The following FTO variants were observed in gnomAD, a reference collection of about 807,000 sequenced individuals.
FTO encodes the protein FTO alpha-ketoglutarate dependent dioxygenase, also known as alpha-ketoglutarate-dependent dioxygenase FTO.
Under a neutral mutation model 63.9 loss-of-function variants are expected in FTO, and 47 were observed. The ratio of observed to expected loss-of-function variants is 0.74; its 90% confidence interval spans 0.58 to 0.94. The LOEUF (loss-of-function observed/expected upper bound fraction) is 0.94. FTO is among the 40% of genes least tolerant of loss of function. The probability of loss-of-function intolerance (pLI) is 0.00; values close to 1 mark genes in which losing one functional copy is unlikely to be tolerated. For synonymous variants in FTO, 207 were observed against 224.4 expected (o/e 0.92, Z 0.69); for missense variants, 562 against 618.1 (o/e 0.91, Z 0.96).
chr16:53,928,557 C>T (rs1457541180), intron 7 of FTO, among the ~76,000 whole-genome samples: 2 of 151,958 alleles, frequency 1.3e-5, no homozygotes, highest in Non-Finnish European at 2.9e-5. Flanking sequence ...TTCTTTTCAC[C>T]CTAAATTTTA....
chr16:53,792,986 A>T (rs778923942), intron 1 of FTO, among the ~76,000 whole-genome samples: 2 of 152,290 alleles, frequency 1.3e-5, no homozygotes, highest in Non-Finnish European at 2.9e-5. Flanking sequence ...GATTGTGAGG[A>T]AGAATCTTGG....
rs573172455 is a variant in FTO, at chr16:53,811,121, G to A, written c.123+904G>A. ...AGTTCATGCACCTACTCTTGGAGTG[G>A]GGTTGGAGTGAGAGTACTCCCACCA... is the stretch of plus-strand genomic sequence containing the variant. On this transcript the variant is annotated intron_variant, in intron 2 of 8. Transcript: ENST00000471389. Among the ~76,000 whole-genome samples, 4 of 152,248 alleles carry A rather than the reference G, an allele frequency of 2.6e-5. No homozygotes were observed. The South Asian group carries it at 6.2e-4, about 24-fold the overall frequency.
intron 5 of FTO, among the ~76,000 whole-genome samples, chr16:53,876,889 T>TGA (rs1331125871): frequency 1.3e-5 from 2 of 152,328 alleles, no homozygotes; most frequent in South Asian, 4.1e-4. Context: ...ATTGCACCAC[T>TGA]GCACTCCAGC....
intron 8 of FTO, among the ~76,000 whole-genome samples, chr16:54,014,507 C>G (rs2084392068): frequency 6.6e-6 from 1 of 152,016 alleles, no homozygotes; most frequent in Admixed American, 6.6e-5. Flanking sequence ...ATGCTGGTGT[C>G]CTGTTTCTTG....
chr16:53,786,972 G>A lies in FTO; in HGVS notation c.46-23168G>A, dbSNP rs2151673985. ...TAAAAATACAAAAAATTAGCCAGGT[G>A]TGGTGGCGGGTGCCTGTAGTCCCAG... On this transcript the variant is annotated intron_variant, in intron 1 of 8. Transcript: ENST00000471389. Among the ~76,000 whole-genome samples the A allele has an allele frequency of 1.3e-5, 2 of 151,786 alleles. 1 individual carries two copies. The highest frequency in any genetic ancestry group is 4.2e-4 in the South Asian group (2 of 4,788).
intron 8 of FTO, among the ~76,000 whole-genome samples, chr16:54,101,772 C>T (rs1206399630): frequency 6.6e-6 from 1 of 152,202 alleles, no homozygotes; most frequent in Non-Finnish European, 1.5e-5. Flanking sequence ...CTAAATGACA[C>T]TGCCACCAAC....
At chr16:53,757,526 T>G (rs1281696836) in intron 1 of FTO, among the ~76,000 whole-genome samples, 1 of 151,372 alleles carries the variant, frequency 6.6e-6, no homozygotes, top group Admixed American at 6.6e-5. Flanking sequence ...ATACCTATAT[T>G]TATATATAAT....
At chr16:53,760,313 T>C (rs908604225) in intron 1 of FTO, among the ~76,000 whole-genome samples, 1 of 150,196 alleles carries the variant, frequency 6.7e-6, no homozygotes, top group Non-Finnish European at 1.5e-5. Context: ...AGTGGTGCGA[T>C]CTTGGGTCAC....
intron 8 of FTO, among the ~76,000 whole-genome samples, chr16:53,935,314 C>T (rs2082364087): frequency 6.6e-6 from 1 of 152,102 alleles, no homozygotes; most frequent in Non-Finnish European, 1.5e-5. Flanking sequence ...GATAGCTTTA[C>T]TAGTAATAAT....
intron 8 of FTO, among the ~76,000 whole-genome samples, chr16:54,032,051 C>A (rs1050303832): frequency 8.5e-5 from 13 of 152,142 alleles, no homozygotes; most frequent in African/African-American, 3.1e-4. Flanking sequence ...TTCTGGGAAG[C>A]CTTCAAAGGT....
At chr16:53,763,066 A>G (rs2077107982) in intron 1 of FTO, among the ~76,000 whole-genome samples, 1 of 152,226 alleles carries the variant, frequency 6.6e-6, no homozygotes. Context: ...GATTTCTTTA[A>G]TAATGATCCA....
intron 1 of FTO, among the ~76,000 whole-genome samples, chr16:53,708,395 T>A (rs1031763774): frequency 5.9e-5 from 9 of 152,088 alleles, no homozygotes; most frequent in African/African-American, 2.2e-4. Flanking sequence ...AGTGTCAGGA[T>A]ATACCATATT....
intron 8 of FTO, chr16:53,993,318 G>GCCAT (rs2083857213): frequency 6.6e-6 from 1 of 152,060 alleles, no homozygotes; most frequent in African/African-American, 2.4e-5. Context: ...AAAATAAGTG[G>GCCAT]CCATACTTTT....
chr16:54,005,033 G>C (rs1358698718), intron 8 of FTO, among the ~76,000 whole-genome samples: 1 of 146,676 alleles, frequency 6.8e-6, no homozygotes, highest in African/African-American at 2.5e-5. Flanking sequence ...TCGCGCCACG[G>C]CACTCCAGCC....
intron 4 of FTO, among the ~76,000 whole-genome samples, chr16:53,859,641 A>G (rs142880059): frequency 1.1e-3 from 169 of 152,044 alleles, no homozygotes; most frequent in African/African-American, 3.8e-3. Flanking sequence ...TTGAATAGAC[A>G]TTTCTGAAAA....
At chr16:54,010,658 G>C (rs561446012) in intron 8 of FTO, among the ~76,000 whole-genome samples, 1 of 152,044 alleles carries the variant, frequency 6.6e-6, no homozygotes, top group Non-Finnish European at 1.5e-5. Context: ...TCATGTAGGC[G>C]AGCAATTTAG....
At chr16:53,968,103 A>G (rs192547374) in intron 8 of FTO, among the ~76,000 whole-genome samples, 168 of 152,346 alleles carry the variant, frequency 1.1e-3, no homozygotes, top group African/African-American at 3.8e-3. Flanking sequence ...TATCAGTGAT[A>G]TACATATATA....
chr16:53,920,543 T>A lies in FTO; in HGVS notation c.1240-13442T>A, dbSNP rs1293960889. On this transcript the variant is annotated intron_variant, in intron 7 of 8. Coordinates refer to ENST00000471389, the MANE Select transcript of FTO (RefSeq NM_001080432.3). ...TGTGTGTATATATAATTTTCCCAAA[T>A]CTTTCATTTTTAGCTATACATTTCT... Among the ~76,000 whole-genome samples the A allele has an allele frequency of 3.9e-5, 6 of 152,324 alleles. No individual in the cohort carries two copies. The South Asian group carries it at 6.2e-4, about 16-fold the overall frequency.
chr16:53,986,642 C>T (rs1177540992), intron 8 of FTO, among the ~76,000 whole-genome samples: 1 of 152,184 alleles, frequency 6.6e-6, no homozygotes, highest in Non-Finnish European at 1.5e-5. Flanking sequence ...GATTGTATTG[C>T]CCTGGAATTC....
Sources: allele counts gnomAD v4.1 joint callset (sites outside exome capture counted in the v4.1 genomes callset), GRCh38; gene constraint gnomAD v4.1.1; transcripts MANE v1.5; gene names NCBI Gene and HGNC (gene_info 2026-07-23, HGNC 2026-07-21).